The following TMEM178B variants were observed in gnomAD, a reference collection of about 807,000 sequenced individuals.
TMEM178B encodes the protein transmembrane protein 178B.
TMEM178B carries 5 observed loss-of-function variants against 31.0 expected under a neutral mutation model. The observed-to-expected ratio is 0.16, with a 90% confidence interval of 0.08 to 0.34. TMEM178B has a LOEUF of 0.34. TMEM178B is among the 10% of genes least tolerant of loss of function. The probability of loss-of-function intolerance (pLI) is 1.00; values close to 1 mark genes in which losing one functional copy is unlikely to be tolerated. For missense variants in TMEM178B, 275 were observed against 400.3 expected (o/e 0.69, Z 2.67); for synonymous variants, 164 against 164.0 (o/e 1.00, Z 0.00).
intron 2 of TMEM178B, among the ~76,000 whole-genome samples, chr7:141,356,954 T>A (rs1799830193): frequency 6.6e-6 from 1 of 151,988 alleles, no homozygotes; most frequent in African/African-American, 2.4e-5. Context: ...TAAGCTGGGG[T>A]AGTGAGGAAA....
intron 2 of TMEM178B, among the ~76,000 whole-genome samples, chr7:141,365,929 C>A (rs1799996219): frequency 6.6e-6 from 1 of 152,168 alleles, no homozygotes; most frequent in Non-Finnish European, 1.5e-5. Context: ...TACAATTCAC[C>A]CTGCAACAGT....
At chr7:141,419,560 A>G (rs1233772532) in intron 2 of TMEM178B, among the ~76,000 whole-genome samples, 1 of 152,154 alleles carries the variant, frequency 6.6e-6, no homozygotes, top group East Asian at 1.9e-4. Flanking sequence ...CTCTGCAGCC[A>G]TGGTCACCTT....
chr7:141,252,794 C>G (rs1797856591), intron 2 of TMEM178B, among the ~76,000 whole-genome samples: 1 of 152,198 alleles, frequency 6.6e-6, no homozygotes, highest in Middle Eastern at 3.2e-3. Flanking sequence ...TGTCCAAAGT[C>G]TGAAAGCCAA....
At position 141,374,948 on chromosome 7, in the gene TMEM178B, T is replaced by C. The variant is rs931023437; in HGVS notation, c.497-62660T>C. On this transcript the variant is annotated intron_variant, in intron 2 of 3. Coordinates refer to ENST00000565468, the MANE Select transcript of TMEM178B (RefSeq NM_001195278.2). ...TTCTGCATCCTCTTCAGTATTCATTTTGTAGTTGTCTTAAGATATATGTCC... is the reference window on the plus strand; with the variant it reads ...TTCTGCATCCTCTTCAGTATTCATTCTGTAGTTGTCTTAAGATATATGTCC... Among the ~76,000 whole-genome samples the C allele has an allele frequency of 3.9e-5, 6 of 152,202 alleles. 1 individual carries two copies. The South Asian group carries it at 1.2e-3, about 32-fold the overall frequency.
At chr7:141,342,677 G>A (rs1047167919) in intron 2 of TMEM178B, among the ~76,000 whole-genome samples, 1 of 152,198 alleles carries the variant, frequency 6.6e-6, no homozygotes, top group African/African-American at 2.4e-5. Context: ...AGCAAGCTGA[G>A]TATCCACTTT....
intron 2 of TMEM178B, among the ~76,000 whole-genome samples, chr7:141,279,759 G>A (rs891330435): frequency 2.6e-5 from 4 of 152,218 alleles, no homozygotes; most frequent in African/African-American, 7.2e-5. Context: ...AGTGTCTCTC[G>A]AGAAGCCAGC....
chr7:141,252,430 G>A lies in TMEM178B; in HGVS notation c.496+39726G>A, dbSNP rs575191558. On this transcript the variant is annotated intron_variant, in intron 2 of 3. Transcript: ENST00000565468. ...TTCTCAAAAGAAACGAGGGAGGCAT[G>A]TGAAATTCTGAACTCTTCGATAACC... 3.5e-4 allele frequency among the ~76,000 whole-genome samples: 53 copies of A among 152,332 alleles called. 1 individual carries two copies. Among genetic ancestry groups the A allele is most frequent in the African/African-American group, 1.2e-3 (48 of 41,586 alleles).
intron 2 of TMEM178B, among the ~76,000 whole-genome samples, chr7:141,411,214 T>TA (rs1373765253): frequency 3.3e-5 from 5 of 151,734 alleles, no homozygotes; most frequent in Non-Finnish European, 7.4e-5. Flanking sequence ...TCGAATAAAA[T>TA]AAAAAAAGAA....
At position 141,474,888 on chromosome 7, in the gene TMEM178B, T is replaced by TCACC. The variant is rs1168034430; in HGVS notation, c.*4103_*4106dup. The TCACC allele has an allele frequency of 6.6e-6, 1 of 152,228 alleles. No individual in the cohort carries two copies. Among genetic ancestry groups the TCACC allele is most frequent in the African/African-American group, 2.4e-5 (1 of 41,448 alleles). The allele number at this position is 152,228 out of a possible 1,614,324, so 9.4% of individuals were successfully genotyped here. A position where few individuals can be genotyped will look rare whatever the true frequency, so the allele number is the denominator to read the frequency against. ...GAGGCATTTAGAATGGACTCTCTCTTCACCTGGATTATGTGCTGAGTGTTA... is the reference window on the plus strand; with the variant it reads ...GAGGCATTTAGAATGGACTCTCTCTTCACCCACCTGGATTATGTGCTGAGTGTTA... On this transcript the variant is annotated 3_prime_UTR_variant, in exon 4 of 4. Coordinates refer to ENST00000565468, the MANE Select transcript of TMEM178B (RefSeq NM_001195278.2).
chr7:141,509,196 T>G, the TMEM178B span, among the ~76,000 whole-genome samples: 1 of 152,108 alleles, frequency 6.6e-6, no homozygotes, highest in Non-Finnish European at 1.5e-5. Flanking sequence ...CTTTAGAAGA[T>G]AGCATCAGTG....
chr7:141,210,879 T>A (rs772627410), intron 1 of TMEM178B, among the ~76,000 whole-genome samples: 3 of 152,132 alleles, frequency 2.0e-5, no homozygotes, highest in Non-Finnish European at 4.4e-5. Context: ...CCAGGGACAT[T>A]TCTGAAGCAG....
chr7:141,349,405 G>T (rs1799673769), intron 2 of TMEM178B, among the ~76,000 whole-genome samples: 1 of 152,116 alleles, frequency 6.6e-6, no homozygotes, highest in South Asian at 2.1e-4. Flanking sequence ...ACAGGAAAGG[G>T]GCCCAGACAC....
intron 1 of TMEM178B, among the ~76,000 whole-genome samples, chr7:141,207,994 A>T (rs546978703): frequency 2.8e-4 from 43 of 152,202 alleles, no homozygotes; most frequent in African/African-American, 1.0e-3. Flanking sequence ...GTTTGAGACC[A>T]GCCTGGGCAA....
intron 2 of TMEM178B, among the ~76,000 whole-genome samples, chr7:141,324,706 A>T (rs1434106825): frequency 6.6e-6 from 1 of 152,032 alleles, no homozygotes; most frequent in African/African-American, 2.4e-5. Flanking sequence ...TAATCAGAGC[A>T]TATCATCCCT....
intron 2 of TMEM178B, among the ~76,000 whole-genome samples, chr7:141,216,454 C>T (rs1223319246): frequency 0.29 from 8,521 of 29,270 alleles, 654 homozygotes; most frequent in Middle Eastern, 0.47. Context: ...TGTGTGCGCG[C>T]GCGCGCGCGT....
intron 2 of TMEM178B, among the ~76,000 whole-genome samples, chr7:141,429,048 A>G (rs995213508): frequency 1.3e-5 from 2 of 152,150 alleles, no homozygotes; most frequent in African/African-American, 2.4e-5. Flanking sequence ...GGAGAAAGGG[A>G]ACCCTTATAC....
At chr7:141,497,859 G>A in the TMEM178B span, among the ~76,000 whole-genome samples, 1 of 152,214 alleles carries the variant, frequency 6.6e-6, no homozygotes, top group Non-Finnish European at 1.5e-5. Context: ...CAGAAATAAA[G>A]GCTGACGGAG....
intron 2 of TMEM178B, among the ~76,000 whole-genome samples, chr7:141,312,716 G>A (rs1202305071): frequency 6.6e-6 from 1 of 152,232 alleles, no homozygotes; most frequent in Non-Finnish European, 1.5e-5. Context: ...TGCAGATCAT[G>A]TAGGGCAACA....
the TMEM178B span, among the ~76,000 whole-genome samples, chr7:141,485,650 A>G: frequency 2.0e-5 from 3 of 152,232 alleles, no homozygotes; most frequent in African/African-American, 7.2e-5. Flanking sequence ...TTCATAAAGA[A>G]TACCAGTGGG....
Sources: gnomAD v4.1 joint callset for allele counts (sites outside exome capture counted in the v4.1 genomes callset) on GRCh38, gnomAD v4.1.1 for gene constraint, MANE v1.5 for transcripts, NCBI Gene and HGNC (gene_info 2026-07-23, HGNC 2026-07-21) for gene names.